Variants in PTPN14 observed in about 807,000 individuals in gnomAD.
PTPN14 encodes the protein protein tyrosine phosphatase non-receptor type 14.
In PTPN14, 53 loss-of-function variants were observed where a neutral mutation model predicts 126.8. The observed-to-expected ratio is 0.42, with a 90% CI of 0.34 to 0.53. PTPN14 has a LOEUF of 0.53. Among genes scored for constraint, PTPN14 ranks in the 20% least tolerant of loss-of-function variants. The pLI, the probability that PTPN14 is intolerant of heterozygous loss-of-function variation, is 0.08. For synonymous variants in PTPN14, 630 were observed against 599.3 expected, an observed-to-expected ratio of 1.05 and a Z score of -0.75; for missense variants, 1,257 against 1,552.9, an observed-to-expected ratio of 0.81 and a Z score of 3.20.
At chr1:214,506,740 C>T (rs75843971) in intron 1 of PTPN14, among the ~76,000 whole-genome samples, 1,842 of 152,194 alleles carry the variant, frequency 0.012, 12 homozygotes, top group Non-Finnish European at 0.02. Flanking sequence ...TGACGCTGCA[C>T]CCAGCACAAA....
intron 1 of PTPN14, among the ~76,000 whole-genome samples, chr1:214,478,378 G>A (rs1373320765): frequency 6.6e-6 from 1 of 152,008 alleles, no homozygotes; most frequent in Admixed American, 6.6e-5. Flanking sequence ...TAATATATAA[G>A]GCAAAACCAA....
At chr1:214,358,408 A>G (rs1217889363) in intron 18 of PTPN14, among the ~76,000 whole-genome samples, 1 of 152,156 alleles carries the variant, frequency 6.6e-6, no homozygotes, top group African/African-American at 2.4e-5. Flanking sequence ...CTGGGGTTAC[A>G]GGCGTGGGCC....
intron 1 of PTPN14, among the ~76,000 whole-genome samples, chr1:214,522,192 C>T (rs1017140464): frequency 6.6e-6 from 1 of 152,054 alleles, no homozygotes; most frequent in African/African-American, 2.4e-5. Flanking sequence ...CCCTCAGCCT[C>T]CCAAAGTGCT....
At chr1:214,474,698 T>C (rs1001593294) in intron 1 of PTPN14, among the ~76,000 whole-genome samples, 3 of 152,204 alleles carry the variant, frequency 2.0e-5, no homozygotes, top group East Asian at 1.9e-4. Context: ...GTTCTCTATC[T>C]TGTACATCTC....
chr1:214,535,930 A>T (rs1366701801), intron 1 of PTPN14, among the ~76,000 whole-genome samples: 3 of 152,200 alleles, frequency 2.0e-5, no homozygotes, highest in Non-Finnish European at 4.4e-5. Context: ...ATTCCATTGC[A>T]TCTGTATGAT....
chr1:214,476,852 G>C (rs1277033911), intron 1 of PTPN14, among the ~76,000 whole-genome samples: 1 of 152,118 alleles, frequency 6.6e-6, no homozygotes, highest in Non-Finnish European at 1.5e-5. Context: ...CCTGGCACAT[G>C]GTAAGCATTG....
chr1:214,380,922 C>G (rs757496552), intron 13 of PTPN14, among the ~76,000 whole-genome samples: 1 of 152,180 alleles, frequency 6.6e-6, no homozygotes, highest in Non-Finnish European at 1.5e-5. Context: ...TAATCCAACT[C>G]TAAGGTCTGC....
At chr1:214,541,500 C>A (rs2102483327) in intron 1 of PTPN14, among the ~76,000 whole-genome samples, 1 of 152,268 alleles carries the variant, frequency 6.6e-6, no homozygotes, top group East Asian at 1.9e-4. Flanking sequence ...GGGTTAGTTT[C>A]TTGATCTTGT....
At chr1:214,393,324 G>A (rs911774384) in intron 10 of PTPN14, among the ~76,000 whole-genome samples, 8 of 152,090 alleles carry the variant, frequency 5.3e-5, no homozygotes, top group Admixed American at 4.6e-4. Flanking sequence ...AAGCTAGCTC[G>A]TCACTCTGTT....
intron 1 of PTPN14, among the ~76,000 whole-genome samples, chr1:214,535,936 A>G (rs990544839): frequency 2.0e-5 from 3 of 152,202 alleles, no homozygotes; most frequent in Non-Finnish European, 4.4e-5. Context: ...TTGCATCTGT[A>G]TGATTCAAGA....
At chr1:214,488,742 C>T (rs1284175059) in intron 1 of PTPN14, among the ~76,000 whole-genome samples, 1 of 152,124 alleles carries the variant, frequency 6.6e-6, no homozygotes, top group Non-Finnish European at 1.5e-5. Context: ...TCACAGAGGG[C>T]AAATGGCCTT....
chr1:214,530,305 A>AATCTATAAT (rs1655509162), intron 1 of PTPN14: 1 of 152,034 alleles, frequency 6.6e-6, no homozygotes, highest in South Asian at 2.1e-4. Context: ...AAGCTCTAAA[A>AATCTATAAT]ATCTATAATA....
intron 1 of PTPN14, among the ~76,000 whole-genome samples, chr1:214,475,204 A>T (rs1427489352): frequency 6.6e-6 from 1 of 152,224 alleles, no homozygotes; most frequent in Non-Finnish European, 1.5e-5. Context: ...GTAACCTGGT[A>T]AAACAGATAA....
In PTPN14 at chr1:214,390,890, C is replaced by A. The variant is rs573717615; in HGVS notation, c.987+98G>T. On this transcript the variant is annotated intron_variant, in intron 11 of 18. Transcript: ENST00000366956. ...ACGCCTCTGTGTTCTCACAAAATTT[C>A]ACCTCATCATGATGCCCTCATCATC... 35 of 1,026,884 alleles carry A rather than the reference C, an allele frequency of 3.4e-5. No homozygotes were observed. In the African/African-American group the frequency reaches 4.6e-4, roughly 13 times the overall value. The allele number at this position is 1,026,884 out of a possible 1,614,324, so 63.6% of individuals were successfully genotyped here.
intron 1 of PTPN14, among the ~76,000 whole-genome samples, chr1:214,476,557 C>T (rs1345756961): frequency 6.6e-6 from 1 of 152,154 alleles, no homozygotes. Context: ...GTGTCACTTC[C>T]TATCCAAACA....
chr1:214,469,103 C>A (rs1660700623), intron 1 of PTPN14, among the ~76,000 whole-genome samples: 1 of 152,174 alleles, frequency 6.6e-6, no homozygotes, highest in Admixed American at 6.6e-5. Context: ...CATCTCTTAC[C>A]TTTAGGAAAG....
rs567825075 is a variant in PTPN14 at position 214,424,288 on chromosome 1, CTA to C, written c.345-9564_345-9563del. On this transcript the variant is annotated intron_variant, in intron 3 of 18. Transcript: ENST00000366956. ...CCAGCCTGGGCAACAGAGTGAGACT[CTA>C]TTAAAAAAAAAAAAAATCAGAGTAC... Among the ~76,000 whole-genome samples the C allele has an allele frequency of 5.8e-3, 863 of 149,094 alleles. 7 individuals are homozygous for C. Among genetic ancestry groups the C allele is most frequent in the African/African-American group, 0.02 (811 of 40,620 alleles).
intron 3 of PTPN14, among the ~76,000 whole-genome samples, chr1:214,438,017 C>A (rs1284160304): frequency 1.3e-5 from 2 of 152,182 alleles, no homozygotes; most frequent in Non-Finnish European, 2.9e-5. Context: ...AGTGTGAAGA[C>A]CACACTCAAA....
intron 1 of PTPN14, among the ~76,000 whole-genome samples, chr1:214,480,088 C>CTTAGGTTGTCAAA (rs1660952615): frequency 6.6e-6 from 1 of 152,140 alleles, no homozygotes; most frequent in Non-Finnish European, 1.5e-5. Context: ...TTGTTGACAA[C>CTTAGGTTGTCAAA]TTAGGTTGGT....
Sources: allele counts gnomAD v4.1 joint callset (sites outside exome capture counted in the v4.1 genomes callset), GRCh38; gene constraint gnomAD v4.1.1; transcripts MANE v1.5; gene names NCBI Gene and HGNC (gene_info 2026-07-23, HGNC 2026-07-21).